LRRC4C: variants seen among roughly 807,000 people sequenced by gnomAD.
LRRC4C encodes the protein leucine rich repeat containing 4C.
Under a neutral mutation model 33.6 loss-of-function variants are expected in LRRC4C, and 5 were observed. That is an observed-to-expected ratio of 0.15 (90% CI 0.08 to 0.31). LRRC4C has a LOEUF of 0.31. LRRC4C is among the 10% of genes least tolerant of loss of function. The probability of loss-of-function intolerance (pLI) is 1.00; values close to 1 mark genes in which losing one functional copy is unlikely to be tolerated. For synonymous variants in LRRC4C, 329 were observed against 302.0 expected (o/e 1.09, Z -0.93); for missense variants, 560 against 796.7 (o/e 0.70, Z 3.58).
At chr11:41,073,800 C>T (rs1467228409) in intron 1 of LRRC4C, among the ~76,000 whole-genome samples, 2 of 152,054 alleles carry the variant, frequency 1.3e-5, no homozygotes, top group Non-Finnish European at 2.9e-5. Flanking sequence ...TTATTCTTGC[C>T]ATTTCATCTC....
At chr11:41,104,864 T>G (rs1024067722) in intron 1 of LRRC4C, among the ~76,000 whole-genome samples, 1 of 151,994 alleles carries the variant, frequency 6.6e-6, no homozygotes, top group Non-Finnish European at 1.5e-5. Flanking sequence ...TAATTTCATT[T>G]ACACAAAATG....
chr11:40,920,946 G>A (rs184623068), intron 2 of LRRC4C, among the ~76,000 whole-genome samples: 2 of 150,428 alleles, frequency 1.3e-5, no homozygotes, highest in African/African-American at 4.9e-5. Flanking sequence ...TTTGAGATAG[G>A]GTCTTGCTCT....
chr11:40,537,736 A>ATG (rs951267466), intron 3 of LRRC4C, among the ~76,000 whole-genome samples: 9 of 152,182 alleles, frequency 5.9e-5, no homozygotes, highest in Non-Finnish European at 1.3e-4. Flanking sequence ...TGATATATAT[A>ATG]TATGTGGATC....
At chr11:41,262,961 C>G (rs550820977) in intron 1 of LRRC4C, among the ~76,000 whole-genome samples, 1 of 152,244 alleles carries the variant, frequency 6.6e-6, no homozygotes, top group South Asian at 2.1e-4. Context: ...TATCTTAACA[C>G]ATCGCATGGC....
At chr11:40,544,178 C>G (rs940613751) in intron 3 of LRRC4C, among the ~76,000 whole-genome samples, 2 of 152,034 alleles carry the variant, frequency 1.3e-5, no homozygotes, top group Non-Finnish European at 2.9e-5. Flanking sequence ...AACTACAGTT[C>G]TCTGTTGTGA....
Position 41,140,026 on chromosome 11 carries a change from T to G in LRRC4C, c.-495-206303A>C, listed in dbSNP as rs115665403. On this transcript the variant is annotated intron_variant, in intron 1 of 6. Coordinates refer to ENST00000528697, the MANE Select transcript of LRRC4C (RefSeq NM_001258419.2). ...TCATGATGTTTTAGCAGAGTGAAAA[T>G]AGTCCCGGTTTCAAAACAAAGTGGA... Among the ~76,000 whole-genome samples, 1,094 of 152,292 alleles carry G rather than the reference T, an allele frequency of 7.2e-3. 9 individuals are homozygous for G. The highest frequency in any genetic ancestry group is 0.025 in the African/African-American group (1,022 of 41,566).
intron 2 of LRRC4C, among the ~76,000 whole-genome samples, chr11:40,848,333 T>C (rs948946132): frequency 2.6e-5 from 4 of 152,182 alleles, no homozygotes; most frequent in African/African-American, 9.7e-5. Context: ...GTCCCAGAGA[T>C]TCTAGTAGGT....
At chr11:40,953,768 C>T (rs1339232839) in intron 1 of LRRC4C, among the ~76,000 whole-genome samples, 6 of 151,900 alleles carry the variant, frequency 3.9e-5, no homozygotes, top group Non-Finnish European at 7.4e-5. Flanking sequence ...GCCTTCTTGG[C>T]ACTTTCAATG....
chr11:40,766,844 AAAGGAAGGG>A (rs1214068242), intron 2 of LRRC4C, among the ~76,000 whole-genome samples: 2 of 151,546 alleles, frequency 1.3e-5, no homozygotes, highest in Admixed American at 1.3e-4. Context: ...TCTTCAAAGG[AAAGGAAGGG>A]AAGGGAGGGA....
At position 40,125,480 on chromosome 11, in the gene LRRC4C, CA is replaced by C. The variant is rs747552003; in HGVS notation, c.-42-9147del. ...TCTTATTATGTAAAATAATATATTA[CA>C]GTATAAACAGTTATTATTTTTCTGG... On this transcript the variant is annotated intron_variant, in intron 6 of 6. Transcript: ENST00000528697. 9.8e-4 allele frequency among the ~76,000 whole-genome samples: 149 copies of C among 152,226 alleles called. 1 individual carries two copies. In the Middle Eastern group the frequency reaches 0.01, roughly 10 times the overall value.
chr11:41,249,029 A>C (rs1948545133), intron 1 of LRRC4C, among the ~76,000 whole-genome samples: 1 of 149,322 alleles, frequency 6.7e-6, no homozygotes, highest in Non-Finnish European at 1.5e-5. Flanking sequence ...CTGGTTTAAG[A>C]TACTGTCTTC....
chr11:41,349,799 A>G (rs1003274416), intron 1 of LRRC4C, among the ~76,000 whole-genome samples: 95 of 152,352 alleles, frequency 6.2e-4, no homozygotes, highest in African/African-American at 2.2e-3. Context: ...GGTCCCCAGC[A>G]ATGATTCTTT....
chr11:41,092,390 C>T (rs906264776), intron 1 of LRRC4C, among the ~76,000 whole-genome samples: 3 of 152,150 alleles, frequency 2.0e-5, no homozygotes, highest in African/African-American at 7.2e-5. Context: ...GCCACAGGCA[C>T]TTAATCACTG....
intron 2 of LRRC4C, among the ~76,000 whole-genome samples, chr11:40,746,734 GGT>G (rs1463926680): frequency 2.0e-5 from 3 of 152,040 alleles, no homozygotes; most frequent in African/African-American, 7.2e-5. Context: ...CCATCACCAT[GGT>G]CCCCTGAGCA....
intron 1 of LRRC4C, among the ~76,000 whole-genome samples, chr11:41,153,386 A>G (rs894945490): frequency 6.6e-6 from 1 of 152,144 alleles, no homozygotes; most frequent in African/African-American, 2.4e-5. Context: ...TTTACTCAAT[A>G]AATATGTACT....
At chr11:40,807,165 A>C (rs72898777) in intron 2 of LRRC4C, among the ~76,000 whole-genome samples, 2 of 152,260 alleles carry the variant, frequency 1.3e-5, no homozygotes, top group African/African-American at 2.4e-5. Context: ...TCACCCCCAC[A>C]CAGTTTTTTC....
At chr11:41,022,259 A>T (rs1856037571) in intron 1 of LRRC4C, among the ~76,000 whole-genome samples, 1 of 150,822 alleles carries the variant, frequency 6.6e-6, no homozygotes, top group Admixed American at 6.6e-5. Context: ...AACTATCAAG[A>T]TTAACATTGG....
intron 3 of LRRC4C, among the ~76,000 whole-genome samples, chr11:40,451,631 C>T (rs932897094): frequency 7.2e-5 from 11 of 151,848 alleles, no homozygotes; most frequent in African/African-American, 9.7e-5. Flanking sequence ...ATGGTCCACC[C>T]GCCTTGGCCT....
chr11:40,693,098 A>G (rs1031659849), intron 2 of LRRC4C, among the ~76,000 whole-genome samples: 2 of 152,044 alleles, frequency 1.3e-5, no homozygotes, highest in African/African-American at 4.8e-5. Flanking sequence ...ATGTATCGTG[A>G]TTCTGGTTTT....
Sources: allele counts gnomAD v4.1 joint callset (sites outside exome capture counted in the v4.1 genomes callset), GRCh38; gene constraint gnomAD v4.1.1; transcripts MANE v1.5; gene names NCBI Gene and HGNC (gene_info 2026-07-23, HGNC 2026-07-21).